NLRP1: variants seen among roughly 807,000 people sequenced by gnomAD.
NLRP1 encodes the protein NLR family pyrin domain containing 1, also known as NACHT, LRR and PYD domains-containing protein 1.
A neutral mutation model predicts 136.7 loss-of-function variants in NLRP1; 94 were observed. The observed-to-expected ratio is 0.69, with a 90% CI of 0.58 to 0.82. The LOEUF (loss-of-function observed/expected upper bound fraction) is 0.82. Ranked by LOEUF, NLRP1 falls within the 40% of genes least tolerant of loss-of-function variation. The pLI, the probability that NLRP1 is intolerant of heterozygous loss-of-function variation, is 0.00. For missense variants in NLRP1, 1,575 were observed against 1,802.7 expected (o/e 0.87, Z 2.29); for synonymous variants, 690 against 725.1 (o/e 0.95, Z 0.78).
At chr17:5,549,936 T>C (rs868209105) in intron 5 of NLRP1, among the ~76,000 whole-genome samples, 2 of 152,222 alleles carry the variant, frequency 1.3e-5, no homozygotes, top group Non-Finnish European at 2.9e-5. Context: ...AAATGCTTTT[T>C]TTGTGTCTTT....
At position 5,558,716 on chromosome 17, in the gene NLRP1, A is replaced by G; in HGVS notation, c.1980T>C (p.Tyr660=). 3.1e-6 allele frequency: 5 copies of G among 1,614,200 alleles called. No individual in the cohort carries two copies. Among genetic ancestry groups the G allele is most frequent in the Middle Eastern group, 1.6e-4 (1 of 6,062 alleles). Residue 660 remains tyrosine, a synonymous_variant, in exon 4 of 17, where the codon TAT becomes TAC. Transcript: ENST00000572272. Reference sequence around the variant, plus strand: ...ATGCCCCAAACAGGCCATGTATTCCATATGCTTCTAGCGTCTTTTCCAAAT... The same window carrying G: ...ATGCCCCAAACAGGCCATGTATTCCGTATGCTTCTAGCGTCTTTTCCAAAT... ...IIDLEKTLEA[Y]GIHGLFGAST...
In NLRP1 at chr17:5,541,626, C is replaced by T. The variant is rs536936805; in HGVS notation, c.2699+231G>A. On this transcript the variant is annotated intron_variant, in intron 6 of 16. Coordinates refer to ENST00000572272, the MANE Select transcript of NLRP1 (RefSeq NM_033004.4). This position sits in a 1 kb window ranked among gnomAD's most constrained non-coding sequence, Gnocchi z 4.2. The stretch of plus-strand genomic sequence containing the variant: ...GCCCCCTGTCCCCACCTTGCATTCA[C>T]GTCCCTTGACTCGACTTGGCTTCTC... 7.2e-5 allele frequency among the ~76,000 whole-genome samples: 11 copies of T among 152,326 alleles called. No individual in the cohort carries two copies. The highest frequency in any genetic ancestry group is 3.9e-4 in the East Asian group (2 of 5,184).
At position 5,521,764 on chromosome 17, in the gene NLRP1, C is replaced by G; in HGVS notation, c.3543G>C (p.Leu1181=). The G allele has an allele frequency of 1.2e-6, 2 of 1,610,066 alleles. No homozygotes were observed. Among genetic ancestry groups the G allele is most frequent in the Non-Finnish European group, 1.7e-6 (2 of 1,178,292 alleles). ...CCTCTTTAAAGTGGGCCATTTGGAA[C>G]AGGGATGTGTCCACATGGCCCCCTG... ...ALQGGHVDTS[L]FQMAHFKEEG... Residue 1181 remains leucine (L), a synonymous_variant, in exon 13 of 17, where the codon CTG becomes CTC. Coordinates refer to ENST00000572272, the MANE Select transcript of NLRP1 (RefSeq NM_033004.4).
At chr17:5,548,985 G>A (rs950175578) in intron 5 of NLRP1, among the ~76,000 whole-genome samples, 1 of 152,178 alleles carries the variant, frequency 6.6e-6, no homozygotes, top group African/African-American at 2.4e-5. Flanking sequence ...CTGCAAAAAT[G>A]GCAGCTGGGA....
Position 5,559,576 on chromosome 17 carries a change from G to C in NLRP1, c.1120C>G (p.Gln374Glu), listed in dbSNP as rs1006748102. ...TCAGCGAGACTCACCACCTTGGACT[G>C]GGCCAGCTCTCTGCAGCTGAAGTAG... The part of the protein sequence containing the change: ...VFYFSCRELA[Q>E]SKVVSLAELI... The change falls in exon 4 of 17, where the codon CAG becomes GAG. Residue 374 changes from glutamine (Q) to glutamate (E), a missense_variant. Transcript: ENST00000572272. 6.2e-7 allele frequency: 1 copy of C among 1,614,190 alleles called. No individual in the cohort carries two copies. Among genetic ancestry groups the C allele is most frequent in the African/African-American group, 1.3e-5 (1 of 75,052 alleles).
At position 5,573,761 on chromosome 17, in the gene NLRP1, T is replaced by C. The variant is rs565421111; in HGVS notation, c.652+8098A>G. 2.0e-5 allele frequency among the ~76,000 whole-genome samples: 3 copies of C among 152,362 alleles called. No individual in the cohort carries two copies. In the East Asian group the frequency reaches 5.8e-4, roughly 29 times the overall value. On this transcript the variant is annotated intron_variant, in intron 3 of 16. Transcript: ENST00000572272. ...CAGACCTGCAGCTGAGGGTCCTGAC[T>C]GTTAGAAGGAAAACTAACAAACATA...
At chr17:5,530,082 T>C (rs1351495538) in intron 12 of NLRP1, 1 of 458,624 alleles carries the variant, frequency 2.2e-6, no homozygotes, top group South Asian at 1.5e-5. Context: ...GATGGCTTCC[T>C]ATTGTTGCTA....
chr17:5,517,620 T>C, intron 15 of NLRP1, 126 bp downstream of exon 15: 1 of 1,077,458 alleles, frequency 9.3e-7, no homozygotes, highest in Non-Finnish European at 1.4e-6. Flanking sequence ...ACTCCTGACC[T>C]TGTGATCTGC....
chr17:5,577,756 C>T (rs563117091), intron 3 of NLRP1, among the ~76,000 whole-genome samples: 21 of 152,188 alleles, frequency 1.4e-4, no homozygotes, highest in Non-Finnish European at 2.9e-4. Context: ...TTGGAAAAAA[C>T]GACTTAAAAG....
Position 5,560,019 on chromosome 17 carries a change from TTC to T in NLRP1, c.675_676del (p.Lys226IlefsTer46), listed in dbSNP as rs757080294. On this transcript the variant is annotated frameshift_variant, in exon 4 of 17. Transcript: ENST00000572272. LOFTEE classifies it high-confidence loss of function. ...CCATGGGGGCCTGCCTTTCTCTGAT[TTC>T]TCTCTCTCTCTTTCTCTGATTTCTA... is the stretch of plus-strand genomic sequence containing the variant. 6.1e-5 allele frequency: 96 copies of T among 1,570,316 alleles called. No individual in the cohort carries two copies. The highest frequency in any genetic ancestry group is 1.8e-4 in the South Asian group (15 of 84,832).
chr17:5,542,154 C>T (rs1911947333), intron 5 of NLRP1, 127 bp from the exon 6 acceptor site: 1 of 786,396 alleles, frequency 1.3e-6, no homozygotes, highest in East Asian at 2.7e-5. Context: ...AGAAAACCCT[C>T]CCAGGCCCCA....
chr17:5,515,554 G>C (rs1177218962), intron 15 of NLRP1, 37 bp from the exon 16 acceptor site: 6 of 1,542,590 alleles, frequency 3.9e-6, no homozygotes, highest in South Asian at 1.1e-5. Context: ...ATCTGAAACA[G>C]TGCTAAGTTA....
At chr17:5,580,421 A>T (rs1391065941) in intron 3 of NLRP1, among the ~76,000 whole-genome samples, 1 of 152,156 alleles carries the variant, frequency 6.6e-6, no homozygotes, top group East Asian at 1.9e-4. Context: ...ACTAAAATAA[A>T]AGTTTGTTGT....
chr17:5,511,453 A>AAAAAATT (rs1344384191), downstream of NLRP1, among the ~76,000 whole-genome samples: 4 of 151,426 alleles, frequency 2.6e-5, no homozygotes, highest in African/African-American at 9.7e-5. Context: ...AAAAAAAAAG[A>AAAAAATT]GAATCTGGAT....
intron 12 of NLRP1, chr17:5,530,096 C>G: frequency 2.2e-6 from 1 of 459,178 alleles, no homozygotes; most frequent in South Asian, 1.6e-5. Context: ...GTTGCTAGTC[C>G]CTGTTGCCCC....
rs1204717335 is a variant in NLRP1, at chr17:5,583,333, G to A, written c.271+354C>T. On this transcript the variant is annotated intron_variant, in intron 1 of 16. Coordinates refer to ENST00000572272, the MANE Select transcript of NLRP1 (RefSeq NM_033004.4). The surrounding 1 kb of genome is among the most constrained non-coding windows in gnomAD (Gnocchi z 4.5). ...CGGGCTCTCACTCTCCCATTTTGCA[G>A]ACAGAGAAATAGGCAGAGAGCAGTG... Among the ~76,000 whole-genome samples, 2 of 152,188 alleles carry A rather than the reference G, an allele frequency of 1.3e-5. No homozygotes were observed. Among genetic ancestry groups the A allele is most frequent in the Non-Finnish European group, 2.9e-5 (2 of 68,032 alleles).
chr17:5,559,381 G>A lies in NLRP1; in HGVS notation c.1315C>T (p.Leu439=). 3.1e-6 allele frequency: 5 copies of A among 1,614,098 alleles called. No homozygotes were observed. The highest frequency in any genetic ancestry group is 4.2e-6 in the Non-Finnish European group (5 of 1,179,956). ...GTTTTCCCCAGCAAACTGCCCAGCA[G>A]TGCATCCGCCGGCTGTGGCTGGCTC... The part of the protein sequence containing the change: ...HWSQPQPADA[L]LGSLLGKTIL... The change falls in exon 4 of 17, where the codon CTG becomes TTG. Residue 439 remains leucine, a synonymous_variant. Coordinates refer to ENST00000572272, the MANE Select transcript of NLRP1 (RefSeq NM_033004.4).
At position 5,558,893 on chromosome 17, in the gene NLRP1, G is replaced by A. The variant is rs61753141; in HGVS notation, c.1803C>T (p.Ile601=). The A allele has an allele frequency of 1.4e-3, 2,296 of 1,614,150 alleles. 6 individuals are homozygous for A. The highest frequency in any genetic ancestry group is 1.6e-3 in the Admixed American group (97 of 60,036). The change falls in exon 4 of 17, where the codon ATC becomes ATT. Residue 601 remains isoleucine (I), a synonymous_variant. Transcript: ENST00000572272. ...LRKHGLDGAI[I]STFLKMGILQ... ...GAATACCCATCTTCAAGAAGGTGGA[G>A]ATGATGGCCCCATCTAACCCATGCT...
At chr17:5,567,837 T>C (rs1478105385) in intron 3 of NLRP1, among the ~76,000 whole-genome samples, 2 of 152,150 alleles carry the variant, frequency 1.3e-5, no homozygotes, top group African/African-American at 4.8e-5. Flanking sequence ...GATATACTAT[T>C]TAGGGTAAAA....
Sources: gnomAD v4.1 joint callset for allele counts (sites outside exome capture counted in the v4.1 genomes callset) on GRCh38, gnomAD v4.1.1 for gene constraint, Gnocchi (gnomAD v3.1) non-coding constraint, MANE v1.5 for transcripts, NCBI Gene and HGNC (gene_info 2026-07-23, HGNC 2026-07-21) for gene names.